Variants in ACSM2A observed in about 807,000 individuals in gnomAD.
The protein encoded by ACSM2A is acyl-CoA synthetase medium chain family member 2A.
A neutral mutation model predicts 76.6 loss-of-function variants in ACSM2A; 72 were observed. The ratio of observed to expected loss-of-function variants is 0.94; its 90% CI spans 0.78 to 1.14. The LOEUF is 1.14. ACSM2A is among the 50% of genes most tolerant of loss of function. ACSM2A has a pLI of 0.00. For synonymous variants in ACSM2A, 249 were observed against 255.9 expected (o/e 0.97, Z 0.26); for missense variants, 684 against 708.5 (o/e 0.97, Z 0.39).
At chr16:20,477,681 G>C (rs1433714118) in intron 9 of ACSM2A, among the ~76,000 whole-genome samples, 1 of 152,152 alleles carries the variant, frequency 6.6e-6, no homozygotes, top group Non-Finnish European at 1.5e-5. Context: ...TGAATAGCTA[G>C]CAAATTAGCT....
intron 9 of ACSM2A, 29 bp from the exon 10 acceptor site, chr16:20,478,547 T>C (rs2013891097): frequency 1.2e-6 from 2 of 1,608,930 alleles, no homozygotes; most frequent in Admixed American, 1.7e-5. Context: ...GCTGTGTGCA[T>C]CATTCTTCCA....
chr16:20,465,375 T>A, intron 2 of ACSM2A, 142 bp from the exon 3 acceptor site: 1 of 1,141,778 alleles, frequency 8.8e-7, no homozygotes, highest in Non-Finnish European at 1.2e-6. Context: ...TCTTTAGAAT[T>A]TTCAATACCT....
chr16:20,481,176 A>G (rs2014061227), intron 12 of ACSM2A: 9 of 505,074 alleles, frequency 1.8e-5, no homozygotes, highest in Non-Finnish European at 2.8e-5. Flanking sequence ...TGATTTCTAA[A>G]AAAACTAAAC....
intron 10 of ACSM2A, 104 bp downstream of exon 10, chr16:20,478,781 T>C: frequency 7.0e-7 from 1 of 1,426,218 alleles, no homozygotes; most frequent in Non-Finnish European, 9.4e-7. Flanking sequence ...GCACTAGATG[T>C]GGAGACAAAG....
rs193030024 is a variant in ACSM2A, at chr16:20,477,825, T to C, written c.1179+376T>C. On this transcript the variant is annotated intron_variant, in intron 9 of 13. Coordinates refer to ENST00000573854, the MANE Select transcript of ACSM2A (RefSeq NM_001308172.2). Reference sequence around the variant, plus strand: ...GTTCAATTAATGCCAACCTGCAGCATGATTTTTAATGATGTAGTAAATAGT... The same window carrying C: ...GTTCAATTAATGCCAACCTGCAGCACGATTTTTAATGATGTAGTAAATAGT... 2.4e-3 allele frequency among the ~76,000 whole-genome samples: 369 copies of C among 152,348 alleles called. 6 individuals carry two copies. The highest frequency in any genetic ancestry group is 2.0e-3 in the Non-Finnish European group (138 of 68,032).
At chr16:20,472,631 C>T (rs1331749425) in intron 6 of ACSM2A, among the ~76,000 whole-genome samples, 1 of 151,920 alleles carries the variant, frequency 6.6e-6, no homozygotes, top group Admixed American at 6.6e-5. Flanking sequence ...CATACCCCTT[C>T]TCTGACAGCA....
chr16:20,468,638 G>A (rs1053362654), intron 3 of ACSM2A, among the ~76,000 whole-genome samples: 2 of 152,144 alleles, frequency 1.3e-5, no homozygotes, highest in Non-Finnish European at 2.9e-5. Context: ...AGGATTACAG[G>A]CATGAGCCAC....
In ACSM2A at chr16:20,469,646, C is replaced by T. The variant is rs746564717; in HGVS notation, c.523C>T (p.Pro175Ser). The T allele has an allele frequency of 3.5e-5, 56 of 1,613,742 alleles. No homozygotes were observed. The South Asian group carries it at 5.3e-4, about 15-fold the overall frequency. Residue 175 changes from proline to serine, a missense_variant, in exon 4 of 14, where the codon CCT becomes TCT. Transcript: ENST00000573854. ...AGTGGACACAGTGGCATCTGAATGT[C>T]CTTCTCTGAGAATTAAGCTACTGGT... ...QEVDTVASEC[P>S]SLRIKLLVSE...
At chr16:20,460,483 G>A (rs2012553978) in intron 2 of ACSM2A, among the ~76,000 whole-genome samples, 192 bp downstream of exon 2, 1 of 152,166 alleles carries the variant, frequency 6.6e-6, no homozygotes, top group Non-Finnish European at 1.5e-5. Flanking sequence ...AAGGAAGAAA[G>A]GCACAGGAAT....
At chr16:20,484,011 C>T (rs867937408) in intron 13 of ACSM2A, among the ~76,000 whole-genome samples, 12 of 150,908 alleles carry the variant, frequency 8.0e-5, no homozygotes, top group African/African-American at 2.9e-4. Flanking sequence ...TTCTCAGCAG[C>T]TTAGAAAACT....
intron 8 of ACSM2A, chr16:20,476,283 G>A (rs1363653349): frequency 9.1e-6 from 9 of 983,634 alleles, no homozygotes; most frequent in Admixed American, 5.6e-5. Context: ...TGCACAATGT[G>A]GATTTATGCT....
chr16:20,460,151 C>G lies in ACSM2A; in HGVS notation c.37C>G (p.Leu13Val), dbSNP rs750848675. The stretch of plus-strand genomic sequence containing the variant: ...GCGAAAAGTTCAGGGACTTTGCACC[C>G]TGTGGGGTACTCAGATGTCCAGCCG... ...WLRKVQGLCT[L>V]WGTQMSSRTL... The change falls in exon 2 of 14, where the codon CTG (leucine) becomes GTG (valine). Residue 13 changes from leucine to valine, a missense_variant. This residue lies in a region of ACSM2A where 519 missense variants were observed against 549.5 expected (regional missense o/e 0.94). Transcript: ENST00000573854. 2.5e-6 allele frequency: 4 copies of G among 1,612,604 alleles called. No homozygotes were observed. Among genetic ancestry groups the G allele is most frequent in the Non-Finnish European group, 3.4e-6 (4 of 1,179,214 alleles).
chr16:20,479,457 T>A (rs2013961695), intron 10 of ACSM2A, among the ~76,000 whole-genome samples: 1 of 152,200 alleles, frequency 6.6e-6, no homozygotes, highest in South Asian at 2.1e-4. Context: ...TTTGCTCGAG[T>A]TCAAAACCCT....
chr16:20,474,458 C>T (rs2013606313), intron 6 of ACSM2A, among the ~76,000 whole-genome samples: 1 of 152,130 alleles, frequency 6.6e-6, no homozygotes, highest in East Asian at 1.9e-4. Flanking sequence ...TGCGGAGTCC[C>T]CAACAGCAAG....
chr16:20,452,930 G>A (rs2011867265), intron 1 of ACSM2A, among the ~76,000 whole-genome samples: 1 of 152,082 alleles, frequency 6.6e-6, no homozygotes, highest in Non-Finnish European at 1.5e-5. Flanking sequence ...TTGACCATAT[G>A]TGGAGAACCA....
intron 2 of ACSM2A, 125 bp from the exon 3 acceptor site, chr16:20,465,392 A>C: frequency 1.6e-6 from 2 of 1,262,220 alleles, no homozygotes; most frequent in Non-Finnish European, 2.2e-6. Context: ...ACCTTTTAAG[A>C]TTGTATGGAG....
At chr16:20,478,031 A>G (rs1482065753) in intron 9 of ACSM2A, among the ~76,000 whole-genome samples, 1 of 152,192 alleles carries the variant, frequency 6.6e-6, no homozygotes, top group Non-Finnish European at 1.5e-5. Flanking sequence ...CTGTATATCT[A>G]AAGTGTAACT....
Position 20,465,628 on chromosome 16 carries a change from C to T in ACSM2A, c.289C>T (p.Leu97Phe). The T allele has an allele frequency of 2.5e-6, 4 of 1,614,002 alleles. No individual in the cohort carries two copies. Among genetic ancestry groups the T allele is most frequent in the Non-Finnish European group, 3.4e-6 (4 of 1,179,864 alleles). ...AAACAGCCAGCAGGCAGCCAACGTC[C>T]TCTCGGGAGCCTGTGGCCTGCAGCG... ...SENSQQAANVLSGACGLQRGD... is the reference protein window; with the variant it reads ...SENSQQAANVFSGACGLQRGD... Residue 97 changes from leucine (L) to phenylalanine (F), a missense_variant, in exon 3 of 14, where the codon CTC (leucine) becomes TTC (phenylalanine). Leu to Phe is a conservative substitution (Grantham distance 22). Around this residue, in one of 3 missense-constraint regions of ACSM2A, gnomAD observed 519 missense variants for 549.5 expected, o/e 0.94. Transcript: ENST00000573854.
chr16:20,483,555 G>C (rs561923469), intron 13 of ACSM2A, among the ~76,000 whole-genome samples: 2 of 100,670 alleles, frequency 2.0e-5, no homozygotes, highest in East Asian at 3.4e-4. Flanking sequence ...AGGTGACAGA[G>C]TGAGACTCTG....
Sources: allele counts gnomAD v4.1 joint callset (sites outside exome capture counted in the v4.1 genomes callset), GRCh38; gene constraint gnomAD v4.1.1; regional missense constraint gnomAD v4.1.1; transcripts MANE v1.5; gene names NCBI Gene and HGNC (gene_info 2026-07-23, HGNC 2026-07-21).